INPP4A: variants seen among roughly 807,000 people sequenced by gnomAD.
INPP4A encodes inositol polyphosphate-4-phosphatase, type I, 107kD.
A neutral mutation model predicts 119.8 loss-of-function variants in INPP4A; 33 were observed. That is an observed-to-expected ratio of 0.28 (90% CI 0.21 to 0.37). The LOEUF is 0.37. INPP4A is among the 10% of genes least tolerant of loss of function. INPP4A has a pLI of 1.00. For missense variants in INPP4A, 956 were observed against 1,289.9 expected (o/e 0.74, Z 3.97); for synonymous variants, 496 against 500.7 (o/e 0.99, Z 0.12).
At chr2:98,492,753 G>T (rs1681099305) in intron 1 of INPP4A, among the ~76,000 whole-genome samples, 1 of 152,226 alleles carries the variant, frequency 6.6e-6, no homozygotes, top group African/African-American at 2.4e-5. Context: ...GTATCAGTTC[G>T]ATATCTGAGG....
Position 98,563,568 on chromosome 2 carries a change from G to A in INPP4A, c.1959G>A (p.Gln653=). 1 of 1,613,846 alleles carries A rather than the reference G, an allele frequency of 6.2e-7. No homozygotes were observed. The highest frequency in any genetic ancestry group is 8.5e-7 in the Non-Finnish European group (1 of 1,179,890). ...AKKAMVFLLM[Q]DSAPTIATYL... ...AGGCCATGGTATTCCTGCTCATGCA[G>A]GACAGCGCGCCCACCATAGCCACCT... The change falls in exon 18 of 25, where the codon CAG becomes CAA. Residue 653 remains glutamine (Q), a synonymous_variant. Coordinates refer to ENST00000409851, the MANE Select transcript of INPP4A (RefSeq NM_001134225.2).
chr2:98,578,865 G>GA (rs1174001139), intron 24 of INPP4A, among the ~76,000 whole-genome samples: 1 of 152,202 alleles, frequency 6.6e-6, no homozygotes, highest in Non-Finnish European at 1.5e-5. Flanking sequence ...CGGACATTTG[G>GA]ATACATACTG....
At chr2:98,496,044 C>T (rs1681875847) in intron 1 of INPP4A, among the ~76,000 whole-genome samples, 1 of 152,166 alleles carries the variant, frequency 6.6e-6, no homozygotes, top group Non-Finnish European at 1.5e-5. Context: ...TGTCTTATTA[C>T]TGCAGAGAGT....
chr2:98,465,294 C>G (rs1674505232), intron 1 of INPP4A, among the ~76,000 whole-genome samples: 2 of 152,186 alleles, frequency 1.3e-5, no homozygotes, highest in South Asian at 4.1e-4. Context: ...ATCTTCACAC[C>G]AGCAGGGTAA....
At chr2:98,444,784 T>TCGCAGGGCGCGGGC (rs1217258797), upstream of INPP4A, 9 of 150,088 alleles carry the variant, frequency 6.0e-5, no homozygotes, top group Admixed American at 1.3e-4. Context: ...GGGGCGGGGG[T>TCGCAGGGCGCGGGC]CGCAGGGCGC....
chr2:98,475,005 G>A lies in INPP4A; in HGVS notation c.-166+29920G>A, dbSNP rs541994303. On this transcript the variant is annotated intron_variant, in intron 1 of 24. Coordinates refer to ENST00000409851, the MANE Select transcript of INPP4A (RefSeq NM_001134225.2). ...ACTGTATCAGAAGTTTTTTTTCTTT[G>A]TGGCAACAGAAAGGGCCATGTCACA... is the stretch of plus-strand genomic sequence containing the variant. Among the ~76,000 whole-genome samples, 3 of 151,928 alleles carry A rather than the reference G, an allele frequency of 2.0e-5. No homozygotes were observed. The East Asian group carries it at 5.8e-4, about 29-fold the overall frequency.
At chr2:98,555,428 C>A in intron 15 of INPP4A, 125 bp from the exon 16 acceptor site, 2 of 1,019,242 alleles carry the variant, frequency 2.0e-6, no homozygotes, top group Non-Finnish European at 2.9e-6. Context: ...TATTTCTAAA[C>A]TTTGAGGTAT....
At chr2:98,532,745 A>G (rs1258541674) in intron 4 of INPP4A, among the ~76,000 whole-genome samples, 1 of 152,186 alleles carries the variant, frequency 6.6e-6, no homozygotes, top group East Asian at 1.9e-4. Flanking sequence ...GGACGTTAGG[A>G]TGGCTATGAC....
At chr2:98,567,441 G>C (rs543515516) in intron 21 of INPP4A, among the ~76,000 whole-genome samples, 25 of 152,328 alleles carry the variant, frequency 1.6e-4, no homozygotes, top group African/African-American at 6.0e-4. Context: ...AGCCCCAAAG[G>C]TGTGAGCAGA....
At chr2:98,520,484 T>TC (rs1161349845) in intron 3 of INPP4A, among the ~76,000 whole-genome samples, 1 of 152,130 alleles carries the variant, frequency 6.6e-6, no homozygotes, top group Admixed American at 6.5e-5. Flanking sequence ...GATGTGTAGA[T>TC]CTGAGGAGGA....
At chr2:98,508,175 A>C (rs1221999964) in intron 1 of INPP4A, among the ~76,000 whole-genome samples, 1 of 152,220 alleles carries the variant, frequency 6.6e-6, no homozygotes, top group African/African-American at 2.4e-5. Context: ...TGGCTGGGGC[A>C]AGTCAGGGTC....
chr2:98,445,941 G>T (rs1257740598), intron 1 of INPP4A, among the ~76,000 whole-genome samples: 2 of 152,212 alleles, frequency 1.3e-5, no homozygotes, highest in Non-Finnish European at 2.9e-5. Context: ...AGTGGAATTT[G>T]ATTTGTCGCC....
Position 98,572,858 on chromosome 2 carries a change from G to A in INPP4A, c.2562G>A (p.Leu854=). The change falls in exon 23 of 25, where the codon CTG becomes CTA. Residue 854 remains leucine (L), a synonymous_variant. Coordinates refer to ENST00000409851, the MANE Select transcript of INPP4A (RefSeq NM_001134225.2). The part of the protein sequence containing the change: ...SRSQTCLPEL[L]RFLGQNVHAR... Reference sequence around the variant, plus strand: ...GTCAGACGTGCCTGCCAGAGCTGCTGCGGTTTCTGGGTCAGAACGTGCATG... The same window carrying A: ...GTCAGACGTGCCTGCCAGAGCTGCTACGGTTTCTGGGTCAGAACGTGCATG... The A allele has an allele frequency of 6.3e-7, 1 of 1,576,402 alleles. No homozygotes were observed.
chr2:98,554,120 G>A lies in INPP4A; in HGVS notation c.1348-151G>A. On this transcript the variant is annotated intron_variant, in intron 14 of 24. Coordinates refer to ENST00000409851, the MANE Select transcript of INPP4A (RefSeq NM_001134225.2). The surrounding 1 kb of genome is among the most constrained non-coding windows in gnomAD (Gnocchi z 4.7). ...CAGTCTTTGTACTCAGACATCTTGA[G>A]GGATGTAGCCCTTCAGTTGCTTTGC... 1 of 578,676 alleles carries A rather than the reference G, an allele frequency of 1.7e-6. No individual in the cohort carries two copies. Among genetic ancestry groups the A allele is most frequent in the Non-Finnish European group, 3.0e-6 (1 of 332,518 alleles). 35.8% of individuals were successfully genotyped at this position (578,676 alleles called of 1,614,324 possible). A position where few individuals can be genotyped will look rare whatever the true frequency, so the allele number is the denominator to read the frequency against.
intron 21 of INPP4A, among the ~76,000 whole-genome samples, chr2:98,567,884 C>T (rs1421611649): frequency 6.6e-6 from 1 of 152,176 alleles, no homozygotes; most frequent in African/African-American, 2.4e-5. Context: ...GAGGGATGCT[C>T]TCGGGCCACA....
Position 98,546,062 on chromosome 2 carries a change from A to G in INPP4A, c.1043A>G (p.Asp348Gly), listed in dbSNP as rs1692423713. The change falls in exon 12 of 25, where the codon GAT (aspartate) becomes GGT (glycine). Residue 348 changes from aspartate (D) to glycine (G), a missense_variant. Transcript: ENST00000409851. This position sits in a 1 kb window ranked among gnomAD's most constrained non-coding sequence, Gnocchi z 4.2. ...LHIQRMRVQD[D>G]GGSDQNYDIV... is the part of the protein sequence containing the mutation. ...ATACAAAGGATGAGAGTTCAAGACG[A>G]TGGAGGATCAGGTACCTATTTTTCT... 6.3e-7 allele frequency: 1 copy of G among 1,576,148 alleles called. No individual in the cohort carries two copies. The highest frequency in any genetic ancestry group is 8.6e-7 in the Non-Finnish European group (1 of 1,159,378).
chr2:98,509,900 G>T (rs1684808368), intron 1 of INPP4A, among the ~76,000 whole-genome samples: 1 of 152,216 alleles, frequency 6.6e-6, no homozygotes, highest in Admixed American at 6.5e-5. Context: ...AGAACTCCAG[G>T]AGAAGCTGGG....
chr2:98,551,547 G>A (rs1316083285), intron 13 of INPP4A, among the ~76,000 whole-genome samples: 1 of 152,172 alleles, frequency 6.6e-6, no homozygotes, highest in Non-Finnish European at 1.5e-5. Context: ...AGGGGTAGTG[G>A]TGGTTTCTTG....
Position 98,588,952 on chromosome 2 carries a change from A to C in INPP4A, c.*1344A>C, listed in dbSNP as rs559663776. On this transcript the variant is annotated 3_prime_UTR_variant, in exon 25 of 25. Coordinates refer to ENST00000409851, the MANE Select transcript of INPP4A (RefSeq NM_001134225.2). The stretch of plus-strand genomic sequence containing the variant: ...GCCTAGAGATTCTTCTGGTTCCTTT[A>C]GAAACATGTAACAAACTTGGGCCAG... 5.8e-5 allele frequency: 11 copies of C among 188,910 alleles called. No individual in the cohort carries two copies. The East Asian group carries it at 6.9e-4, about 12-fold the overall frequency. 11.7% of individuals were successfully genotyped at this position (188,910 alleles called of 1,614,324 possible). A position where few individuals can be genotyped will look rare whatever the true frequency, so the allele number is the denominator to read the frequency against.
Sources: allele counts gnomAD v4.1 joint callset (sites outside exome capture counted in the v4.1 genomes callset), GRCh38; gene constraint gnomAD v4.1.1; non-coding constraint Gnocchi (gnomAD v3.1); transcripts MANE v1.5; gene names NCBI Gene and HGNC (gene_info 2026-07-23, HGNC 2026-07-21).